Variants in BPTF observed in about 807,000 individuals in gnomAD.
BPTF encodes nucleosome-remodeling factor subunit BPTF.
BPTF carries 18 observed loss-of-function variants against 292.5 expected under a neutral mutation model. The ratio of observed to expected loss-of-function variants is 0.06; its 90% CI spans 0.04 to 0.09. The LOEUF (loss-of-function observed/expected upper bound fraction) is 0.09. Ranked by LOEUF, BPTF falls within the 10% of genes least tolerant of loss-of-function variation. The pLI is 1.00. For synonymous variants in BPTF, 1,225 were observed against 1,251.9 expected (o/e 0.98, Z 0.45); for missense variants, 2,726 against 3,498.7 (o/e 0.78, Z 5.57).
chr17:67,936,739 T>C (rs1227762105), intron 18 of BPTF: 4 of 152,210 alleles, frequency 2.6e-5, no homozygotes, highest in African/African-American at 9.6e-5. Flanking sequence ...TACTCTAAAA[T>C]AGCAACTGTC....
chr17:67,917,237 A>G (rs1225313937), intron 11 of BPTF, among the ~76,000 whole-genome samples: 2 of 146,380 alleles, frequency 1.4e-5, no homozygotes, highest in South Asian at 2.1e-4. Flanking sequence ...GGTTCGAGCT[A>G]TTCTTCTTTC....
rs544537903 is a variant in BPTF at position 67,912,406 on chromosome 17, A to G, written c.4522A>G (p.Lys1508Glu). The change falls in exon 11 of 28, where the codon AAA becomes GAA. Residue 1508 changes from lysine to glutamate, a missense_variant. By Grantham distance (56) the Lys-to-Glu change is moderately conservative. Transcript: ENST00000306378. ...TAGCCTTGAGACCCTGCCATCAACC[A>G]AAGAGTCTGACAGTACACAGACGAC... ...RDSLETLPST[K>E]ESDSTQTTTP... The G allele has an allele frequency of 2.5e-6, 4 of 1,614,078 alleles. No individual in the cohort carries two copies. In the East Asian group the frequency reaches 8.9e-5, roughly 36 times the overall value.
In BPTF at chr17:67,909,739, G is replaced by T. The variant is rs748896813; in HGVS notation, c.2970G>T (p.Lys990Asn). Reference sequence around the variant, plus strand: ...ACCAAAATGAAATGGATATCTCAAAGATTACTGAGAAGAAGGACCAAGGTA... The same window carrying T: ...ACCAAAATGAAATGGATATCTCAAATATTACTGAGAAGAAGGACCAAGGTA... ...GADQNEMDIS[K>N]ITEKKDQDVK... Residue 990 changes from lysine to asparagine, a missense_variant, in exon 10 of 28, where the codon AAG (lysine) becomes AAT (asparagine). By Grantham distance (94) the Lys-to-Asn change is moderately conservative. Around this residue, in one of 22 missense-constraint regions of BPTF, gnomAD observed 713 missense variants for 714.9 expected, o/e 1.00. Coordinates refer to ENST00000306378, the MANE Select transcript of BPTF (RefSeq NM_182641.4). 3.2e-6 allele frequency: 5 copies of T among 1,575,370 alleles called. No individual in the cohort carries two copies. The South Asian group carries it at 6.1e-5, about 19-fold the overall frequency.
At position 67,944,284 on chromosome 17, in the gene BPTF, T is replaced by C; in HGVS notation, c.6612T>C (p.Gly2204=). 1 of 1,614,128 alleles carries C rather than the reference T, an allele frequency of 6.2e-7. No individual in the cohort carries two copies. Among genetic ancestry groups the C allele is most frequent in the Non-Finnish European group, 8.5e-7 (1 of 1,180,024 alleles). Residue 2204 remains glycine (G), a synonymous_variant, in exon 20 of 28, where the codon GGT becomes GGC. Transcript: ENST00000306378. ...QQLMQAAMPN[G]TVQRFLFTPL... ...TAATGCAAGCTGCAATGCCAAATGG[T>C]ACTGTTCAGCGATTCCTCTTTACCC...
chr17:67,973,706 G>T (rs562552433), intron 26 of BPTF, among the ~76,000 whole-genome samples: 1 of 152,016 alleles, frequency 6.6e-6, no homozygotes, highest in African/African-American at 2.4e-5. Context: ...GGGTTTCGCT[G>T]TGTTGGCCAG....
chr17:67,906,093 G>GT (rs990507606), intron 9 of BPTF, among the ~76,000 whole-genome samples: 24 of 151,446 alleles, frequency 1.6e-4, no homozygotes, highest in African/African-American at 5.3e-4. Context: ...GGTTGTTTTT[G>GT]TTTTTTTGAA....
chr17:67,980,980 A>C (rs1362777315), intron 27 of BPTF, among the ~76,000 whole-genome samples: 2 of 152,178 alleles, frequency 1.3e-5, no homozygotes, highest in African/African-American at 4.8e-5. Context: ...CAACATGGGG[A>C]AACCCCATCC....
chr17:67,967,637 A>G (rs567750905), intron 26 of BPTF, among the ~76,000 whole-genome samples: 17 of 152,144 alleles, frequency 1.1e-4, no homozygotes, highest in African/African-American at 3.1e-4. Flanking sequence ...CCTGGCCAAC[A>G]TGGCGAAATA....
In BPTF at chr17:67,893,700, C is replaced by A; in HGVS notation, c.2386C>A (p.Leu796Ile). ...AGAAAACAACATCCCTTCATCCTTT[C>A]TTCATCCCAACTGGGCATCACATAG... ...QLENNIPSSFLHPNWASHRAN... is the reference protein window; with the variant it reads ...QLENNIPSSFIHPNWASHRAN... Residue 796 changes from leucine (L) to isoleucine (I), a missense_variant, in exon 6 of 28, where the codon CTT (leucine) becomes ATT (isoleucine). Physicochemically the swap from Leu to Ile is conservative, Grantham distance 5 (BLOSUM62 2). Transcript: ENST00000306378. 1 of 1,607,500 alleles carries A rather than the reference C, an allele frequency of 6.2e-7. No homozygotes were observed. Among genetic ancestry groups the A allele is most frequent in the Non-Finnish European group, 8.5e-7 (1 of 1,174,686 alleles).
chr17:67,958,426 T>G (rs1255323101), intron 23 of BPTF, among the ~76,000 whole-genome samples: 2 of 152,052 alleles, frequency 1.3e-5, no homozygotes, highest in Non-Finnish European at 2.9e-5. Context: ...TTAAAACTTT[T>G]TAAAAAATAT....
chr17:67,972,543 T>A (rs1295541423), intron 26 of BPTF, among the ~76,000 whole-genome samples: 1 of 152,104 alleles, frequency 6.6e-6, no homozygotes, highest in Admixed American at 6.6e-5. Context: ...TGCGTCTGGC[T>A]ATTTAAGGGC....
chr17:67,943,958 G>T (rs2065600561), intron 19 of BPTF, among the ~76,000 whole-genome samples, 192 bp from the exon 20 acceptor site: 2 of 152,076 alleles, frequency 1.3e-5, no homozygotes, highest in African/African-American at 4.8e-5. Flanking sequence ...TGGAACTCTG[G>T]ATTGTTGATG....
In BPTF at chr17:67,911,649, A is replaced by G. The variant is rs756283238; in HGVS notation, c.3765A>G (p.Ser1255=). Residue 1255 remains serine, a synonymous_variant, in exon 11 of 28, where the codon TCA becomes TCG. Coordinates refer to ENST00000306378, the MANE Select transcript of BPTF (RefSeq NM_182641.4). ...IVSSSKSALH[S]SVPKSTNDRD... The stretch of plus-strand genomic sequence containing the variant: ...CTTCTTCCAAGAGTGCTTTACATTC[A>G]TCAGTGCCTAAAAGTACCAATGACA... The G allele has an allele frequency of 1.2e-6, 2 of 1,614,202 alleles. No individual in the cohort carries two copies. The highest frequency in any genetic ancestry group is 1.3e-5 in the African/African-American group (1 of 75,060).
intron 2 of BPTF, among the ~76,000 whole-genome samples, chr17:67,858,167 G>A (rs1311299699): frequency 8.6e-5 from 13 of 152,024 alleles, no homozygotes; most frequent in Non-Finnish European, 1.8e-4. Flanking sequence ...AGAAACTGCT[G>A]TGAGAAACAA....
chr17:67,878,187 C>T (rs1451257059), intron 4 of BPTF, among the ~76,000 whole-genome samples: 1 of 152,186 alleles, frequency 6.6e-6, no homozygotes, highest in Non-Finnish European at 1.5e-5. Context: ...CCCACCTCAA[C>T]AAAACATCAA....
At chr17:67,826,930 T>C (rs2056123483) in intron 1 of BPTF, among the ~76,000 whole-genome samples, 1 of 152,176 alleles carries the variant, frequency 6.6e-6, no homozygotes, top group African/African-American at 2.4e-5. Context: ...GGGAACCTTA[T>C]CTGGTCCTGT....
intron 1 of BPTF, among the ~76,000 whole-genome samples, chr17:67,839,831 T>C (rs2057412843): frequency 6.6e-6 from 1 of 152,240 alleles, no homozygotes; most frequent in African/African-American, 2.4e-5. Flanking sequence ...TTCTGGGTTG[T>C]ATGTTTATGA....
intron 4 of BPTF, among the ~76,000 whole-genome samples, chr17:67,886,472 T>C (rs2060762602): frequency 6.6e-6 from 1 of 152,048 alleles, no homozygotes; most frequent in South Asian, 2.1e-4. Flanking sequence ...AGATGTTCTT[T>C]TCCTTTATTT....
intron 26 of BPTF, 55 bp downstream of exon 26, chr17:67,966,711 TATC>T: frequency 1.5e-6 from 2 of 1,343,560 alleles, no homozygotes; most frequent in Admixed American, 5.2e-5. Context: ...GATGTTTTAT[TATC>T]CATAAAATTA....
Sources: allele counts gnomAD v4.1 joint callset (sites outside exome capture counted in the v4.1 genomes callset), GRCh38; gene constraint gnomAD v4.1.1; regional missense constraint gnomAD v4.1.1; transcripts MANE v1.5; gene names NCBI Gene and HGNC (gene_info 2026-07-23, HGNC 2026-07-21).